TMEM59: variants seen among roughly 807,000 people sequenced by gnomAD.
TMEM59 encodes the protein dendritic cell factor 1.
Under a neutral mutation model 42.2 loss-of-function variants are expected in TMEM59, and 44 were observed. The observed-to-expected ratio is 1.04, with a 90% CI of 0.82 to 1.34. The LOEUF is 1.34. Ranked by LOEUF, TMEM59 falls within the 40% of genes most tolerant of loss-of-function variation. TMEM59 has a pLI of 0.00. For synonymous variants in TMEM59, 148 were observed against 145.8 expected (o/e 1.02, Z -0.11); for missense variants, 359 against 382.8 (o/e 0.94, Z 0.52).
In TMEM59 at chr1:54,030,637, G is replaced by C. The variant is rs1050191444; in HGVS notation, c.*1513C>G. ...CATGTTTTCTAACAAAAAGAAGAAA[G>C]AAACAATGACTGCTTGACAATGACG... On this transcript the variant is annotated 3_prime_UTR_variant, in exon 8 of 8. Coordinates refer to ENST00000234831, the MANE Select transcript of TMEM59 (RefSeq NM_004872.5). 1 of 152,164 alleles carries C rather than the reference G, an allele frequency of 6.6e-6. No individual in the cohort carries two copies. Among genetic ancestry groups the C allele is most frequent in the Non-Finnish European group, 1.5e-5 (1 of 68,040 alleles). 9.4% of individuals were successfully genotyped at this position (152,164 alleles called of 1,614,324 possible). A position where few individuals can be genotyped will look rare whatever the true frequency, so the allele number is the denominator to read the frequency against.
In TMEM59 at chr1:54,043,751, T is replaced by C. The variant is rs542066714; in HGVS notation, c.391-226A>G. 9.8e-4 allele frequency: 183 copies of C among 187,108 alleles called. 1 individual carries two copies. The highest frequency in any genetic ancestry group is 4.1e-3 in the African/African-American group (174 of 42,616). 11.6% of individuals were successfully genotyped at this position (187,108 alleles called of 1,614,324 possible). ...TTTGCCACCAAACACACTTACTAGCTACCTGTCACCTCTATCAGAATAACA... is the reference window on the plus strand; with the variant it reads ...TTTGCCACCAAACACACTTACTAGCCACCTGTCACCTCTATCAGAATAACA... On this transcript the variant is annotated intron_variant, in intron 3 of 7. Transcript: ENST00000234831.
At chr1:54,052,807 A>G (rs1210082232) in intron 1 of TMEM59, among the ~76,000 whole-genome samples, 193 bp downstream of exon 1, 1 of 152,196 alleles carries the variant, frequency 6.6e-6, no homozygotes, top group East Asian at 1.9e-4. Flanking sequence ...AGGGTAGTGC[A>G]GGACAAACTT....
rs2100288120 is a variant in TMEM59 at position 54,029,376 on chromosome 1, G to A, written c.*2774C>T. ...TGAATTAGCATGTCTCTTAGATGAG[G>A]GACCTGAGCCAAGAAAGACCTTAGA... On this transcript the variant is annotated 3_prime_UTR_variant, in exon 8 of 8. Transcript: ENST00000234831. The A allele has an allele frequency of 6.6e-6, 1 of 152,282 alleles. No individual in the cohort carries two copies. The highest frequency in any genetic ancestry group is 1.5e-5 in the Non-Finnish European group (1 of 68,016). 9.4% of individuals were successfully genotyped at this position (152,282 alleles called of 1,614,324 possible). A position where few individuals can be genotyped will look rare whatever the true frequency, so the allele number is the denominator to read the frequency against.
At chr1:54,038,252 G>GA (rs1293670929) in intron 6 of TMEM59, among the ~76,000 whole-genome samples, 10 of 151,492 alleles carry the variant, frequency 6.6e-5, no homozygotes, top group African/African-American at 1.9e-4. Flanking sequence ...CAGTATATCT[G>GA]AAAAAAAAAT....
In TMEM59 at chr1:54,036,641, G is replaced by T. The variant is rs1014722340; in HGVS notation, c.785C>A (p.Ala262Asp). The T allele has an allele frequency of 6.2e-7, 1 of 1,608,000 alleles. No individual in the cohort carries two copies. The highest frequency in any genetic ancestry group is 1.3e-5 in the African/African-American group (1 of 74,530). ...GGGAACATACTGCTCCACAGCTGTA[G>T]CAACAGTTGCACAACAAATCCAAAG... ...VLLWICCATV[A>D]TAVEQYVPSE... The change falls in exon 7 of 8, where the codon GCT becomes GAT. Residue 262 changes from alanine to aspartate, a missense_variant. Coordinates refer to ENST00000234831, the MANE Select transcript of TMEM59 (RefSeq NM_004872.5).
intron 1 of TMEM59, among the ~76,000 whole-genome samples, chr1:54,051,921 G>T (rs970565352): frequency 6.6e-6 from 1 of 152,112 alleles, no homozygotes; most frequent in African/African-American, 2.4e-5. Flanking sequence ...CCGGCACTTA[G>T]AACTTTTCAT....
rs1656725143 is a variant in TMEM59 at position 54,030,309 on chromosome 1, T to C, written c.*1841A>G. Reference sequence around the variant, plus strand: ...GACAGCAGCATTTTGTGTTTCTCTGTTTGCTTCATTGGATGCATTACAATT... The same window carrying C: ...GACAGCAGCATTTTGTGTTTCTCTGCTTGCTTCATTGGATGCATTACAATT... On this transcript the variant is annotated 3_prime_UTR_variant, in exon 8 of 8. Coordinates refer to ENST00000234831, the MANE Select transcript of TMEM59 (RefSeq NM_004872.5). 1 of 152,212 alleles carries C rather than the reference T, an allele frequency of 6.6e-6. No homozygotes were observed. The highest frequency in any genetic ancestry group is 1.5e-5 in the Non-Finnish European group (1 of 68,042). The allele number at this position is 152,212 out of a possible 1,614,324, so 9.4% of individuals were successfully genotyped here. A position where few individuals can be genotyped will look rare whatever the true frequency, so the allele number is the denominator to read the frequency against.
chr1:54,032,413 A>C (rs1287354884), intron 7 of TMEM59, 108 bp from the exon 8 acceptor site: 1 of 1,086,240 alleles, frequency 9.2e-7, no homozygotes, highest in Non-Finnish European at 1.2e-6. Context: ...AAAAAATTCT[A>C]TAAACAACTT....
intron 7 of TMEM59, chr1:54,033,130 C>CTTT: frequency 7.3e-6 from 1 of 136,260 alleles, no homozygotes; most frequent in Non-Finnish European, 1.6e-5. Context: ...TTTTTTCTTT[C>CTTT]TTTTTTTTTT....
chr1:54,050,274 C>T (rs1005071013), intron 1 of TMEM59, among the ~76,000 whole-genome samples: 2 of 151,822 alleles, frequency 1.3e-5, no homozygotes, highest in African/African-American at 2.4e-5. Context: ...CACAAGCGTG[C>T]GCCATGTTCG....
At chr1:54,044,482 G>C (rs543436096) in intron 3 of TMEM59, 1 of 147,982 alleles carries the variant, frequency 6.8e-6, no homozygotes, top group Non-Finnish European at 1.5e-5. Flanking sequence ...GATAGCTTTG[G>C]TTCTGCTTTG....
rs1656726194 is a variant in TMEM59 at position 54,030,339 on chromosome 1, C to T, written c.*1811G>A. On this transcript the variant is annotated 3_prime_UTR_variant, in exon 8 of 8. Transcript: ENST00000234831. ...TTCATTGGATGCATTACAATTAAAC[C>T]TGTGCCTGACTAAGGAAACTAAGTA... 6.6e-6 allele frequency: 1 copy of T among 152,120 alleles called. No homozygotes were observed. The highest frequency in any genetic ancestry group is 2.4e-5 in the African/African-American group (1 of 41,410). The allele number at this position is 152,120 out of a possible 1,614,324, so 9.4% of individuals were successfully genotyped here.
chr1:54,053,069 C>G lies in TMEM59; in HGVS notation c.120G>C (p.Ser40=). Residue 40 remains serine (S), a synonymous_variant, in exon 1 of 8, where the codon TCG becomes TCC. Coordinates refer to ENST00000234831, the MANE Select transcript of TMEM59 (RefSeq NM_004872.5). Reference sequence around the variant, plus strand: ...GGCAAGACGCCGTATCACCCAAGACCGAGTCAAATGCTTCAGCCGAAGCGG... The same window carrying G: ...GGCAAGACGCCGTATCACCCAAGACGGAGTCAAATGCTTCAGCCGAAGCGG... ...SGTASAEAFD[S]VLGDTASCHR... is the part of the protein sequence containing the mutation. 6.2e-7 allele frequency: 1 copy of G among 1,614,230 alleles called. No individual in the cohort carries two copies. Among genetic ancestry groups the G allele is most frequent in the Non-Finnish European group, 8.5e-7 (1 of 1,180,046 alleles).
At chr1:54,046,890 C>G (rs567677174) in intron 2 of TMEM59, among the ~76,000 whole-genome samples, 23 of 152,202 alleles carry the variant, frequency 1.5e-4, no homozygotes, top group African/African-American at 4.3e-4. Flanking sequence ...AGTCAAAGGC[C>G]TGATTCAGTA....
chr1:54,049,198 A>C (rs531741326), intron 1 of TMEM59, among the ~76,000 whole-genome samples: 5 of 152,342 alleles, frequency 3.3e-5, no homozygotes, highest in Admixed American at 2.0e-4. Context: ...TATTCTGCAC[A>C]ACCTTTGACA....
intron 3 of TMEM59, chr1:54,044,644 CATAAAA>C (rs1657266993): frequency 6.7e-6 from 1 of 150,242 alleles, no homozygotes; most frequent in African/African-American, 2.4e-5. Context: ...CTCTAAAAAA[CATAAAA>C]ATAAAAAATG....
chr1:54,031,325 A>G lies in TMEM59; in HGVS notation c.*825T>C, dbSNP rs1656760249. 1 of 152,246 alleles carries G rather than the reference A, an allele frequency of 6.6e-6. No homozygotes were observed. Among genetic ancestry groups the G allele is most frequent in the Non-Finnish European group, 1.5e-5 (1 of 68,046 alleles). The allele number at this position is 152,246 out of a possible 1,614,324, so 9.4% of individuals were successfully genotyped here. ...AAGCTCTGTATTATTGCAGGTAAAA[A>G]TAAAACGAGTTTTTGCCAAGTAAAA... On this transcript the variant is annotated 3_prime_UTR_variant, in exon 8 of 8. Transcript: ENST00000234831.
At position 54,053,043 on chromosome 1, in the gene TMEM59, T is replaced by A; in HGVS notation, c.146A>T (p.His49Leu). 1 of 1,614,130 alleles carries A rather than the reference T, an allele frequency of 6.2e-7. No individual in the cohort carries two copies. Among genetic ancestry groups the A allele is most frequent in the Non-Finnish European group, 8.5e-7 (1 of 1,180,006 alleles). Residue 49 changes from histidine to leucine, a missense_variant, in exon 1 of 8, where the codon CAC becomes CTC. Coordinates refer to ENST00000234831, the MANE Select transcript of TMEM59 (RefSeq NM_004872.5). Reference sequence around the variant, plus strand: ...GGGGTAGGTCAACTGACAGGCCCGGTGGCAAGACGCCGTATCACCCAAGAC... The same window carrying A: ...GGGGTAGGTCAACTGACAGGCCCGGAGGCAAGACGCCGTATCACCCAAGAC... Reference protein sequence around the residue: ...DSVLGDTASCHRACQLTYPLH... With the variant: ...DSVLGDTASCLRACQLTYPLH...
chr1:54,045,102 A>G (rs942582682), intron 3 of TMEM59, among the ~76,000 whole-genome samples: 10 of 152,218 alleles, frequency 6.6e-5, no homozygotes, highest in African/African-American at 2.4e-4. Flanking sequence ...AGAGTATGAA[A>G]TTCCCTTGTC....
Sources: gnomAD v4.1 joint callset for allele counts (sites outside exome capture counted in the v4.1 genomes callset) on GRCh38, gnomAD v4.1.1 for gene constraint, MANE v1.5 for transcripts, NCBI Gene and HGNC (gene_info 2026-07-23, HGNC 2026-07-21) for gene names.